Variants in PLXNA4 observed in about 807,000 individuals in gnomAD.
PLXNA4 encodes plexin-A4.
Under a neutral mutation model 191.8 loss-of-function variants are expected in PLXNA4, and 44 were observed. The ratio of observed to expected loss-of-function variants is 0.23; its 90% confidence interval spans 0.18 to 0.29. The LOEUF is 0.29. Among genes scored for constraint, PLXNA4 ranks in the 10% least tolerant of loss-of-function variants. PLXNA4 has a pLI of 1.00. For synonymous variants in PLXNA4, 1,082 were observed against 1,009.5 expected, an observed-to-expected ratio of 1.07 and a Z score of -1.36; for missense variants, 1,800 against 2,488.8, an observed-to-expected ratio of 0.72 and a Z score of 5.89.
At chr7:132,378,104 C>T (rs1281070094) in intron 3 of PLXNA4, among the ~76,000 whole-genome samples, 2 of 152,146 alleles carry the variant, frequency 1.3e-5, no homozygotes, top group East Asian at 3.9e-4. Flanking sequence ...ACCATCTATG[C>T]TATTCCCCAA....
At chr7:132,285,044 A>G (rs1439390993) in intron 4 of PLXNA4, among the ~76,000 whole-genome samples, 2 of 152,136 alleles carry the variant, frequency 1.3e-5, no homozygotes, top group Non-Finnish European at 1.5e-5. Context: ...TAAAACATAG[A>G]CATTCTTATA....
In PLXNA4 at chr7:132,168,573, C is replaced by G; in HGVS notation, c.4018-1G>C. ...CACGCTCCTGCCGGTAGCCCGGGAC[C>G]TGCAGAGAGACCTAGGAGTCGTGAT... On this transcript the variant is annotated splice_acceptor_variant, in intron 21 of 31. Transcript: ENST00000321063. LOFTEE classifies it high-confidence loss of function. 1 of 1,574,332 alleles carries G rather than the reference C, an allele frequency of 6.4e-7. No individual in the cohort carries two copies.
chr7:132,363,880 C>T (rs1303627870), intron 3 of PLXNA4, among the ~76,000 whole-genome samples: 1 of 152,256 alleles, frequency 6.6e-6, no homozygotes, highest in Non-Finnish European at 1.5e-5. Context: ...TGAAGTCATC[C>T]AGGTATGGCC....
At chr7:132,495,391 G>T (rs1028518911) in intron 2 of PLXNA4, among the ~76,000 whole-genome samples, 1 of 152,290 alleles carries the variant, frequency 6.6e-6, no homozygotes, top group Non-Finnish European at 1.5e-5. Flanking sequence ...GCCACAGGCT[G>T]CCCTCTTACT....
upstream of PLXNA4, among the ~76,000 whole-genome samples, chr7:132,579,979 C>T (rs1802371498): frequency 6.6e-6 from 1 of 151,742 alleles, no homozygotes; most frequent in Non-Finnish European, 1.5e-5. Flanking sequence ...AGTTAGAAAA[C>T]ACATGTCCTA....
At chr7:132,281,930 T>C (rs1800492903) in intron 4 of PLXNA4, among the ~76,000 whole-genome samples, 1 of 152,208 alleles carries the variant, frequency 6.6e-6, no homozygotes, top group Non-Finnish European at 1.5e-5. Context: ...TTTATAACAT[T>C]GATAATATCT....
intron 2 of PLXNA4, among the ~76,000 whole-genome samples, chr7:132,598,049 ATG>A (rs895951261): frequency 3.3e-4 from 51 of 152,318 alleles, no homozygotes; most frequent in Middle Eastern, 3.4e-3. Context: ...GTTAACAAAT[ATG>A]TGTGACTAAC....
intron 16 of PLXNA4, among the ~76,000 whole-genome samples, chr7:132,183,612 A>T (rs1232462356): frequency 6.6e-6 from 1 of 152,228 alleles, no homozygotes; most frequent in Non-Finnish European, 1.5e-5. Flanking sequence ...TGAATTTCGC[A>T]GAGAGTTGCA....
Position 132,140,603 on chromosome 7 carries a change from C to G in PLXNA4, c.5434G>C (p.Glu1812Gln), listed in dbSNP as rs199674695. Residue 1812 changes from glutamate (E) to glutamine (Q), a missense_variant, in exon 30 of 32, where the codon GAG (glutamate) becomes CAG (glutamine). Transcript: ENST00000321063. Reference sequence around the variant, plus strand: ...GCTCCGTGGCCCAGCACTCACCTCTCCACCCAATTCTTGTAGCTGGGGATG... The same window carrying G: ...GCTCCGTGGCCCAGCACTCACCTCTGCACCCAATTCTTGTAGCTGGGGATG... ...KDIPSYKNWVERYYSDIGKMP... is the reference protein window; with the variant it reads ...KDIPSYKNWVQRYYSDIGKMP... 1 of 1,613,788 alleles carries G rather than the reference C, an allele frequency of 6.2e-7. No individual in the cohort carries two copies.
chr7:132,284,714 C>T (rs977837441), intron 4 of PLXNA4, among the ~76,000 whole-genome samples: 3 of 152,138 alleles, frequency 2.0e-5, no homozygotes, highest in African/African-American at 7.2e-5. Flanking sequence ...ACACCTAATA[C>T]GCTCCAGAGG....
chr7:132,323,248 C>A (rs565377854), intron 3 of PLXNA4, among the ~76,000 whole-genome samples: 7 of 152,308 alleles, frequency 4.6e-5, no homozygotes, highest in East Asian at 1.9e-4. Context: ...TGAAACTCAA[C>A]AGACAGATGC....
chr7:132,227,645 A>C (rs1798374972), intron 6 of PLXNA4, 41 bp from the exon 7 acceptor site: 2 of 1,613,264 alleles, frequency 1.2e-6, no homozygotes, highest in Non-Finnish European at 8.5e-7. Flanking sequence ...AGGAGGGTGA[A>C]ATGGGAAAAG....
chr7:132,303,248 ATTTT>A (rs201091759), intron 3 of PLXNA4, among the ~76,000 whole-genome samples: 2 of 129,786 alleles, frequency 1.5e-5, no homozygotes, highest in Non-Finnish European at 1.7e-5. Context: ...ACAGAAGTTG[ATTTT>A]TTTTTTTTTT....
At chr7:132,575,668 C>T (rs1309051242) in intron 1 of PLXNA4, among the ~76,000 whole-genome samples, 1 of 152,166 alleles carries the variant, frequency 6.6e-6, no homozygotes, top group Non-Finnish European at 1.5e-5. Flanking sequence ...AAGGTCTTAC[C>T]TTTTAAGGAG....
At chr7:132,474,469 C>A (rs1797050324) in intron 3 of PLXNA4, among the ~76,000 whole-genome samples, 1 of 152,114 alleles carries the variant, frequency 6.6e-6, no homozygotes, top group Admixed American at 6.5e-5. Context: ...CCCCGCCCAT[C>A]CTGCTTTCCA....
intron 2 of PLXNA4, among the ~76,000 whole-genome samples, chr7:132,500,268 C>T (rs1172301466): frequency 6.6e-6 from 1 of 152,152 alleles, no homozygotes; most frequent in Non-Finnish European, 1.5e-5. Context: ...CGTGATGAAA[C>T]CCTGTCTGTA....
At chr7:132,347,478 A>G (rs1040456001) in intron 3 of PLXNA4, among the ~76,000 whole-genome samples, 1 of 152,248 alleles carries the variant, frequency 6.6e-6, no homozygotes. Flanking sequence ...AAAAGGGAAC[A>G]AAAGGATCGG....
At chr7:132,145,058 T>C in intron 29 of PLXNA4, 61 bp downstream of exon 29, 1 of 1,610,870 alleles carries the variant, frequency 6.2e-7, no homozygotes, top group Non-Finnish European at 8.5e-7. Flanking sequence ...CCCACCACCA[T>C]TAACTTGAGG....
intron 3 of PLXNA4, among the ~76,000 whole-genome samples, chr7:132,474,626 ACACACACACACGCGCGCGCACG>A (rs1293486646): frequency 2.6e-5 from 4 of 151,376 alleles, no homozygotes; most frequent in African/African-American, 9.8e-5. Flanking sequence ...ACATGTACAC[ACACACACACACGCGCGCGCACG>A]CACACACACA....
Sources: gnomAD v4.1 joint callset for allele counts (sites outside exome capture counted in the v4.1 genomes callset) on GRCh38, gnomAD v4.1.1 for gene constraint, MANE v1.5 for transcripts, NCBI Gene and HGNC (gene_info 2026-07-23, HGNC 2026-07-21) for gene names.